The following TTLL12 variants were observed in gnomAD, a reference collection of about 807,000 sequenced individuals.
The protein encoded by TTLL12 is tubulin--tyrosine ligase-like protein 12.
In TTLL12, 77 loss-of-function variants were observed where a neutral mutation model predicts 79.6. That is an observed-to-expected ratio of 0.97 (90% CI 0.81 to 1.17). The LOEUF is 1.17. Ranked by LOEUF, TTLL12 falls within the 50% of genes most tolerant of loss-of-function variation. The pLI is 0.00. For missense variants in TTLL12, 969 were observed against 895.9 expected (o/e 1.08, Z -1.04); for synonymous variants, 437 against 376.1 (o/e 1.16, Z -1.87).
At chr22:43,171,557 G>A in intron 11 of TTLL12, 1 of 420,334 alleles carries the variant, frequency 2.4e-6, no homozygotes, top group Non-Finnish European at 4.4e-6. Flanking sequence ...CCTGCTGCTG[G>A]ACCCATCCCC....
chr22:43,172,631 G>T, intron 9 of TTLL12, 77 bp from the exon 10 acceptor site: 3 of 1,549,528 alleles, frequency 1.9e-6, no homozygotes, highest in Non-Finnish European at 2.7e-6. Flanking sequence ...AAGCCACGCA[G>T]GGGGCACAGA....
At position 43,186,955 on chromosome 22, in the gene TTLL12, G is replaced by C; in HGVS notation, c.115C>G (p.Leu39Val). Residue 39 changes from leucine (L) to valine (V), a missense_variant, in exon 1 of 14, where the codon CTG (leucine) becomes GTG (valine). Transcript: ENST00000216129. ...AEFAALHGPALRASGVPERYW... is the reference protein window; with the variant it reads ...AEFAALHGPAVRASGVPERYW... ...CGTTCGGGGACCCCCGAAGCGCGCA[G>C]CGCCGGGCCGTGCAGCGCCGCGAAC... 7.4e-7 allele frequency: 1 copy of C among 1,350,494 alleles called. No individual in the cohort carries two copies. Among genetic ancestry groups the C allele is most frequent in the Non-Finnish European group, 9.6e-7 (1 of 1,047,072 alleles). 83.7% of individuals were successfully genotyped at this position (1,350,494 alleles called of 1,614,324 possible).
At chr22:43,181,530 C>G (rs138948) in intron 2 of TTLL12, among the ~76,000 whole-genome samples, 18,957 of 152,244 alleles carry the variant, frequency 0.12, 1,293 homozygotes, top group Non-Finnish European at 0.15. Flanking sequence ...TCCCCACACA[C>G]AGGACCCCTG....
intron 5 of TTLL12, among the ~76,000 whole-genome samples, chr22:43,178,924 C>G (rs1278373799): frequency 2.6e-5 from 4 of 152,178 alleles, no homozygotes; most frequent in African/African-American, 9.7e-5. Context: ...TAGGCTGGTT[C>G]CAGCCTACGG....
At chr22:43,184,954 C>G (rs13053999) in intron 1 of TTLL12, among the ~76,000 whole-genome samples, 13,426 of 152,096 alleles carry the variant, frequency 0.088, 659 homozygotes, top group Non-Finnish European at 0.11. Context: ...CTTCGGCCGG[C>G]CGTGGCGGCT....
chr22:43,187,129 G>T lies in TTLL12; in HGVS notation c.-60C>A. On this transcript the variant is annotated 5_prime_UTR_variant, in exon 1 of 14. Coordinates refer to ENST00000216129, the MANE Select transcript of TTLL12 (RefSeq NM_015140.4). ...CCGCCGCCGCCGCCCGCCGTCCGTC[G>T]GCCCTGCCCTCCCGCCTCCGCCCCC... 1.0e-6 allele frequency: 1 copy of T among 988,772 alleles called. No individual in the cohort carries two copies. Among genetic ancestry groups the T allele is most frequent in the African/African-American group, 2.0e-5 (1 of 49,436 alleles). 61.2% of individuals were successfully genotyped at this position (988,772 alleles called of 1,614,324 possible).
Position 43,186,909 on chromosome 22 carries a change from T to C in TTLL12, c.161A>G (p.His54Arg), listed in dbSNP as rs1932198983. 7 of 1,347,172 alleles carry C rather than the reference T, an allele frequency of 5.2e-6. No individual in the cohort carries two copies. Among genetic ancestry groups the C allele is most frequent in the South Asian group, 1.7e-5 (1 of 59,804 alleles). 83.5% of individuals were successfully genotyped at this position (1,347,172 alleles called of 1,614,324 possible). A position where few individuals can be genotyped will look rare whatever the true frequency, so the allele number is the denominator to read the frequency against. Reference sequence around the variant, plus strand: ...TCCCCGCACCTCGTGCTCCAGCTTGTGCAGGAGGCGGCCCCAGTAACGTTC... The same window carrying C: ...TCCCCGCACCTCGTGCTCCAGCTTGCGCAGGAGGCGGCCCCAGTAACGTTC... ...VPERYWGRLL[H>R]KLEHEVFDAG... The change falls in exon 1 of 14, where the codon CAC becomes CGC. Residue 54 changes from histidine (H) to arginine (R), a missense_variant. Coordinates refer to ENST00000216129, the MANE Select transcript of TTLL12 (RefSeq NM_015140.4).
At chr22:43,177,307 G>A (rs1186510243) in intron 5 of TTLL12, among the ~76,000 whole-genome samples, 2 of 152,010 alleles carry the variant, frequency 1.3e-5, no homozygotes, top group African/African-American at 4.8e-5. Context: ...AATTGGAAAT[G>A]GCAGTTAGCT....
rs1054479423 is a variant in TTLL12 at position 43,167,829 on chromosome 22, G to A, written c.*179C>T. The A allele has an allele frequency of 2.2e-5, 15 of 693,778 alleles. No homozygotes were observed. Among genetic ancestry groups the A allele is most frequent in the Middle Eastern group, 4.1e-4 (1 of 2,418 alleles). The allele number at this position is 693,778 out of a possible 1,614,324, so 43.0% of individuals were successfully genotyped here. On this transcript the variant is annotated 3_prime_UTR_variant, in exon 14 of 14. Coordinates refer to ENST00000216129, the MANE Select transcript of TTLL12 (RefSeq NM_015140.4). ...GTCCTGCTCTGACCCACAGGTGAGA[G>A]GAGGATGCTGTGCTCCCGGAGTGTG...
At chr22:43,174,720 G>A in intron 6 of TTLL12, 105 bp from the exon 7 acceptor site, 1 of 810,952 alleles carries the variant, frequency 1.2e-6, no homozygotes. Flanking sequence ...TGAAGCTAAT[G>A]AGGCAGAGGC....
intron 1 of TTLL12, chr22:43,185,895 C>A: frequency 1.1e-6 from 1 of 927,356 alleles, no homozygotes. Flanking sequence ...CCTCGGAAAG[C>A]ATATGGCAGA....
chr22:43,176,495 T>G, intron 5 of TTLL12, 99 bp from the exon 6 acceptor site: 1 of 955,304 alleles, frequency 1.0e-6, no homozygotes, highest in Non-Finnish European at 1.7e-6. Context: ...TTTGAGAGGG[T>G]GAGGCAGGTG....
intron 9 of TTLL12, among the ~76,000 whole-genome samples, chr22:43,173,209 C>T (rs1046311005): frequency 6.6e-6 from 1 of 152,178 alleles, no homozygotes; most frequent in African/African-American, 2.4e-5. Context: ...GAATCTTTAC[C>T]ACGGCTCTGA....
chr22:43,186,195 C>G (rs75070617), intron 1 of TTLL12, among the ~76,000 whole-genome samples: 1 of 147,840 alleles, frequency 6.8e-6, no homozygotes, highest in Admixed American at 6.7e-5. Context: ...AAACACCCCC[C>G]CCCCCGCCAG....
In TTLL12 at chr22:43,167,077, A is replaced by G; in HGVS notation, c.*931T>C. 1 of 422,840 alleles carries G rather than the reference A, an allele frequency of 2.4e-6. No homozygotes were observed. Among genetic ancestry groups the G allele is most frequent in the Non-Finnish European group, 4.9e-6 (1 of 205,900 alleles). The allele number at this position is 422,840 out of a possible 1,614,324, so 26.2% of individuals were successfully genotyped here. On this transcript the variant is annotated 3_prime_UTR_variant, in exon 14 of 14. Transcript: ENST00000216129. Reference sequence around the variant, plus strand: ...TACATTTTTCTCCCATACATTAAAAAATAAGAAAAAGCCAACATTTTGACT... The same window carrying G: ...TACATTTTTCTCCCATACATTAAAAGATAAGAAAAAGCCAACATTTTGACT...
intron 6 of TTLL12, among the ~76,000 whole-genome samples, chr22:43,175,081 G>A (rs937016990): frequency 1.3e-5 from 2 of 152,204 alleles, no homozygotes; most frequent in African/African-American, 4.8e-5. Flanking sequence ...AAGAGCCCCT[G>A]GGCTGCCCAG....
intron 11 of TTLL12, among the ~76,000 whole-genome samples, chr22:43,170,949 G>C (rs1931749438): frequency 6.6e-6 from 1 of 152,118 alleles, no homozygotes; most frequent in South Asian, 2.1e-4. Flanking sequence ...ACCTAAGTAA[G>C]CAAAACAGCA....
chr22:43,174,330 A>C lies in TTLL12; in HGVS notation c.1108T>G (p.Cys370Gly). 6.2e-7 allele frequency: 1 copy of C among 1,605,028 alleles called. No homozygotes were observed. The highest frequency in any genetic ancestry group is 1.3e-5 in the African/African-American group (1 of 74,824). The change falls in exon 8 of 14, where the codon TGC (cysteine) becomes GGC (glycine). Residue 370 changes from cysteine (C) to glycine (G), a missense_variant. Physicochemically the swap from Cys to Gly is radical, Grantham distance 159. Coordinates refer to ENST00000216129, the MANE Select transcript of TTLL12 (RefSeq NM_015140.4). Reference sequence around the variant, plus strand: ...GCCCGGCGCGCGATGGAGGCCAGGCAGTCCTTGACAGTCAGCAGGTTCTCG... The same window carrying C: ...GCCCGGCGCGCGATGGAGGCCAGGCCGTCCTTGACAGTCAGCAGGTTCTCG... ...PCENLLTVKD[C>G]LASIARRAGG...
At chr22:43,180,650 G>T in intron 3 of TTLL12, 92 bp downstream of exon 3, 1 of 1,417,118 alleles carries the variant, frequency 7.1e-7, no homozygotes, top group Non-Finnish European at 9.8e-7. Flanking sequence ...GCTTGCTCTG[G>T]CCGGCCCCTC....
Sources: gnomAD v4.1 joint callset for allele counts (sites outside exome capture counted in the v4.1 genomes callset) on GRCh38, gnomAD v4.1.1 for gene constraint, MANE v1.5 for transcripts, NCBI Gene and HGNC (gene_info 2026-07-23, HGNC 2026-07-21) for gene names.